Variants in ZBTB46 observed in about 807,000 individuals in gnomAD.
ZBTB46 encodes the protein zinc finger and BTB domain containing 46, also known as zinc finger and BTB domain-containing protein 46.
In ZBTB46, 8 loss-of-function variants were observed where a neutral mutation model predicts 44.1. The observed-to-expected ratio is 0.18, with a 90% CI of 0.11 to 0.33. The LOEUF is 0.33. ZBTB46 is among the 10% of genes least tolerant of loss of function. The pLI, the probability that ZBTB46 is intolerant of heterozygous loss-of-function variation, is 1.00. For missense variants in ZBTB46, 651 were observed against 847.7 expected, an observed-to-expected ratio of 0.77 and a Z score of 2.88; for synonymous variants, 409 against 382.3, an observed-to-expected ratio of 1.07 and a Z score of -0.81.
intron 2 of ZBTB46, among the ~76,000 whole-genome samples, chr20:63,782,571 A>G (rs1318440684): frequency 1.3e-5 from 2 of 152,168 alleles, no homozygotes; most frequent in Non-Finnish European, 2.9e-5. Flanking sequence ...TGCTTGCCAA[A>G]AGCACAAAAG....
chr20:63,830,884 G>A (rs1358121235), intron 1 of ZBTB46, among the ~76,000 whole-genome samples: 2 of 142,532 alleles, frequency 1.4e-5, no homozygotes, highest in Non-Finnish European at 3.1e-5. Context: ...CCGGGCCGGG[G>A]TCTCCGCCGC....
intron 2 of ZBTB46, among the ~76,000 whole-genome samples, chr20:63,781,132 C>G (rs1284326086): frequency 9.5e-6 from 1 of 105,222 alleles, no homozygotes; most frequent in African/African-American, 4.0e-5. Flanking sequence ...CAGAGCAAGA[C>G]TCTGCCTCAA....
chr20:63,790,434 G>T lies in ZBTB46; in HGVS notation c.324C>A (p.Ala108=). Residue 108 remains alanine, a synonymous_variant, in exon 2 of 5, where the codon GCC becomes GCA. Coordinates refer to ENST00000245663, the MANE Select transcript of ZBTB46 (RefSeq NM_001369741.1). The part of the protein sequence containing the change: ...TSRNVIEVMS[A]ASFLQMTDIV... Reference sequence around the variant, plus strand: ...TGTCCGTCATCTGCAGGAAGCTGGCGGCTGACATCACCTCGATGACGTTCC... The same window carrying T: ...TGTCCGTCATCTGCAGGAAGCTGGCTGCTGACATCACCTCGATGACGTTCC... 1 of 1,613,134 alleles carries T rather than the reference G, an allele frequency of 6.2e-7. No individual in the cohort carries two copies. The highest frequency in any genetic ancestry group is 8.5e-7 in the Non-Finnish European group (1 of 1,180,010).
At chr20:63,771,742 A>G (rs546936171) in intron 3 of ZBTB46, among the ~76,000 whole-genome samples, 12 of 152,348 alleles carry the variant, frequency 7.9e-5, no homozygotes, top group African/African-American at 2.6e-4. Flanking sequence ...CAGAAGGCCT[A>G]CGGCAGTGAG....
intron 1 of ZBTB46, among the ~76,000 whole-genome samples, chr20:63,825,167 G>A (rs905515103): frequency 2.6e-5 from 4 of 151,220 alleles, no homozygotes; most frequent in African/African-American, 4.9e-5. Context: ...TTGGGAGACC[G>A]AGGCAGGCGG....
intron 2 of ZBTB46, among the ~76,000 whole-genome samples, chr20:63,788,763 C>T (rs562954323): frequency 2.7e-5 from 4 of 150,890 alleles, no homozygotes; most frequent in African/African-American, 4.9e-5. Flanking sequence ...CACTTGAATC[C>T]GGGAGACAGA....
At chr20:63,800,440 G>A (rs185508536) in intron 1 of ZBTB46, among the ~76,000 whole-genome samples, 250 of 152,318 alleles carry the variant, frequency 1.6e-3, no homozygotes, top group African/African-American at 5.8e-3. Context: ...GCGCCTCCTC[G>A]ACCTCAGCGC....
At chr20:63,797,753 GTGA>G (rs2092614441) in intron 1 of ZBTB46, among the ~76,000 whole-genome samples, 2 of 152,222 alleles carry the variant, frequency 1.3e-5, no homozygotes. Flanking sequence ...CTCACGGCCA[GTGA>G]TGATGAGCAG....
chr20:63,804,689 C>T (rs1045457648), intron 1 of ZBTB46, among the ~76,000 whole-genome samples: 2 of 151,916 alleles, frequency 1.3e-5, no homozygotes, highest in Admixed American at 1.3e-4. Flanking sequence ...GTCAAGAGAT[C>T]GAGACCAGCC....
At chr20:63,829,223 C>CAG (rs974151455) in intron 1 of ZBTB46, among the ~76,000 whole-genome samples, 103 of 152,308 alleles carry the variant, frequency 6.8e-4, no homozygotes, top group African/African-American at 2.3e-3. Flanking sequence ...CCTTAGGTAA[C>CAG]AGTCCACCCA....
At chr20:63,804,497 A>C (rs939264589) in intron 1 of ZBTB46, among the ~76,000 whole-genome samples, 2 of 152,002 alleles carry the variant, frequency 1.3e-5, no homozygotes, top group Admixed American at 6.6e-5. Context: ...CACTGACAGC[A>C]CACATGCCAC....
intron 1 of ZBTB46, among the ~76,000 whole-genome samples, chr20:63,800,687 G>A (rs983803739): frequency 2.6e-5 from 4 of 152,224 alleles, no homozygotes; most frequent in Admixed American, 1.3e-4. Context: ...CTTAGCACCC[G>A]GGCCAGCAGC....
Position 63,752,873 on chromosome 20 carries a change from G to T in ZBTB46, c.1223-12C>A. On this transcript the variant is annotated splice_polypyrimidine_tract_variant and intron_variant, in intron 3 of 4. Transcript: ENST00000245663. This position sits in a 1 kb window ranked among gnomAD's most constrained non-coding sequence, Gnocchi z 5.6. ...CGTGAACTCATTCACTGAAAGAGAG[G>T]GACCCGCGAGGCGTCAGCAGGGCTT... is the stretch of plus-strand genomic sequence containing the variant. 6.3e-7 allele frequency: 1 copy of T among 1,588,024 alleles called. No individual in the cohort carries two copies. The highest frequency in any genetic ancestry group is 8.6e-7 in the Non-Finnish European group (1 of 1,161,652).
intron 3 of ZBTB46, among the ~76,000 whole-genome samples, chr20:63,756,207 G>A (rs924439318): frequency 2.6e-5 from 4 of 152,162 alleles, no homozygotes; most frequent in Admixed American, 6.5e-5. Flanking sequence ...CAGGAGAATC[G>A]GACCTGTCCT....
chr20:63,771,227 C>T (rs2092368708), intron 3 of ZBTB46, among the ~76,000 whole-genome samples: 1 of 152,168 alleles, frequency 6.6e-6, no homozygotes, highest in South Asian at 2.1e-4. Flanking sequence ...AGAGAGGAGC[C>T]GGCGGCCCCC....
In ZBTB46 at chr20:63,790,075, A is replaced by G. The variant is rs1170346702; in HGVS notation, c.683T>C (p.Ile228Thr). The G allele has an allele frequency of 6.2e-7, 1 of 1,613,878 alleles. No individual in the cohort carries two copies. Among genetic ancestry groups the G allele is most frequent in the Non-Finnish European group, 8.5e-7 (1 of 1,180,016 alleles). Residue 228 changes from isoleucine (I) to threonine (T), a missense_variant, in exon 2 of 5, where the codon ATC becomes ACC. This residue lies in a region of ZBTB46 where 385 missense variants were observed against 423.3 expected (regional missense o/e 0.91). Coordinates refer to ENST00000245663, the MANE Select transcript of ZBTB46 (RefSeq NM_001369741.1). ...PGDVGYGPLR[I>T]KEEQVSPSQY... ...AGACGGTGAAACCTGCTCTTCCTTG[A>G]TGCGCAGAGGCCCGTAGCCCACGTC...
At chr20:63,812,461 GTA>G (rs2092722999) in intron 1 of ZBTB46, among the ~76,000 whole-genome samples, 1 of 150,162 alleles carries the variant, frequency 6.7e-6, no homozygotes, top group African/African-American at 2.5e-5. Context: ...GGCCAACATG[GTA>G]AAACCCCGTC....
chr20:63,754,841 C>T lies in ZBTB46; in HGVS notation c.1223-1980G>A, dbSNP rs552897002. On this transcript the variant is annotated intron_variant, in intron 3 of 4. Coordinates refer to ENST00000245663, the MANE Select transcript of ZBTB46 (RefSeq NM_001369741.1). ...GTCTCGATCTCCTGACCTCGTGATC[C>T]GCCCGCCTCGGCCTCTCAAAGTTAT... is the stretch of plus-strand genomic sequence containing the variant. Among the ~76,000 whole-genome samples the T allele has an allele frequency of 3.5e-4, 53 of 152,008 alleles. No homozygotes were observed. The South Asian group carries it at 9.6e-3, about 27-fold the overall frequency.
At chr20:63,802,887 C>T (rs893675142) in intron 1 of ZBTB46, among the ~76,000 whole-genome samples, 2 of 151,602 alleles carry the variant, frequency 1.3e-5, no homozygotes, top group Non-Finnish European at 2.9e-5. Context: ...GGAACCGCGG[C>T]GGGCTGATGC....
Sources: gnomAD v4.1 joint callset for allele counts (sites outside exome capture counted in the v4.1 genomes callset) on GRCh38, gnomAD v4.1.1 for gene constraint, gnomAD v4.1.1 regional missense constraint, Gnocchi (gnomAD v3.1) non-coding constraint, MANE v1.5 for transcripts, NCBI Gene and HGNC (gene_info 2026-07-23, HGNC 2026-07-21) for gene names.